Variants in SNX29 observed in about 807,000 individuals in gnomAD.
SNX29 encodes the protein sorting nexin 29, also known as sorting nexin-29.
SNX29 carries 78 observed loss-of-function variants against 102.1 expected under a neutral mutation model. The observed-to-expected ratio is 0.76, with a 90% confidence interval of 0.64 to 0.92. The LOEUF is 0.92. Ranked by LOEUF, SNX29 falls within the 40% of genes least tolerant of loss-of-function variation. The pLI is 0.00. For missense variants in SNX29, 1,280 were observed against 1,061.7 expected, an observed-to-expected ratio of 1.21 and a Z score of -2.86; for synonymous variants, 580 against 414.5, an observed-to-expected ratio of 1.40 and a Z score of -4.85.
chr16:12,123,619 C>G (rs372673484), intron 11 of SNX29, among the ~76,000 whole-genome samples: 1 of 152,130 alleles, frequency 6.6e-6, no homozygotes, highest in East Asian at 1.9e-4. Flanking sequence ...CCTGCTGTTC[C>G]GTTTCTCTCC....
In SNX29 at chr16:12,471,026, G is replaced by A. The variant is rs1241833163; in HGVS notation, c.2038-6693G>A. 2.0e-5 allele frequency among the ~76,000 whole-genome samples: 3 copies of A among 152,116 alleles called. No individual in the cohort carries two copies. In the East Asian group the frequency reaches 5.8e-4, roughly 29 times the overall value. On this transcript the variant is annotated intron_variant, in intron 18 of 20. Transcript: ENST00000566228. Reference sequence around the variant, plus strand: ...GATAACTGTGGGGACGTGAACCCAGGCCTCCCTCCCTATGTAGCTGTGCGC... The same window carrying A: ...GATAACTGTGGGGACGTGAACCCAGACCTCCCTCCCTATGTAGCTGTGCGC...
At chr16:12,320,827 AT>A (rs1187416315) in intron 15 of SNX29, among the ~76,000 whole-genome samples, 34 of 152,344 alleles carry the variant, frequency 2.2e-4, no homozygotes, top group African/African-American at 8.2e-4. Context: ...AATTCTTTAG[AT>A]GAAAAGGCAA....
chr16:12,241,491 T>A (rs1179900891), intron 14 of SNX29, among the ~76,000 whole-genome samples: 1 of 151,730 alleles, frequency 6.6e-6, no homozygotes, highest in Non-Finnish European at 1.5e-5. Flanking sequence ...ATGGAGTCTC[T>A]CTCTGTTGCC....
chr16:12,344,781 G>A (rs994228265), intron 15 of SNX29, among the ~76,000 whole-genome samples: 1 of 152,220 alleles, frequency 6.6e-6, no homozygotes. Context: ...CTGTGCTGGG[G>A]AGGAGAGGAG....
intron 18 of SNX29, among the ~76,000 whole-genome samples, chr16:12,473,623 G>C (rs576286609): frequency 6.6e-6 from 1 of 152,210 alleles, no homozygotes; most frequent in African/African-American, 2.4e-5. Flanking sequence ...ATTTTCGGAC[G>C]GTTAGGCATT....
At chr16:12,439,686 G>A (rs2085711045) in intron 18 of SNX29, among the ~76,000 whole-genome samples, 1 of 148,020 alleles carries the variant, frequency 6.8e-6, no homozygotes, top group Non-Finnish European at 1.5e-5. Context: ...AGTTATGGCA[G>A]CTACAATTCA....
At chr16:12,367,437 C>T (rs1305591120) in intron 16 of SNX29, 1 of 152,220 alleles carries the variant, frequency 6.6e-6, no homozygotes, top group African/African-American at 2.4e-5. Context: ...TCTGTGTTAC[C>T]TGGGGCACCT....
chr16:11,980,965 CTT>C (rs1289274238), intron 1 of SNX29, among the ~76,000 whole-genome samples: 7 of 141,804 alleles, frequency 4.9e-5, no homozygotes, highest in Admixed American at 7.1e-5. Context: ...TTTTCATTTT[CTT>C]TTTTTTTTTT....
intron 16 of SNX29, among the ~76,000 whole-genome samples, chr16:12,362,551 A>ACCCCCCCCCCC (rs1464136306): frequency 8.5e-5 from 2 of 23,496 alleles, no homozygotes; most frequent in African/African-American, 2.8e-4. Context: ...TGGCTGCTGC[A>ACCCCCCCCCCC]CTCCCCCCCC....
At chr16:12,484,234 G>T (rs1249012426) in intron 19 of SNX29, among the ~76,000 whole-genome samples, 1 of 151,780 alleles carries the variant, frequency 6.6e-6, no homozygotes, top group Non-Finnish European at 1.5e-5. Flanking sequence ...CTGCAGCCTC[G>T]AACTCCCCGG....
At chr16:12,287,125 G>C (rs572637771) in intron 15 of SNX29, among the ~76,000 whole-genome samples, 57 of 152,272 alleles carry the variant, frequency 3.7e-4, no homozygotes, top group African/African-American at 1.4e-3. Flanking sequence ...TCTGTCTTTT[G>C]GATGTGCCCT....
chr16:12,346,177 C>T (rs2081797568), intron 15 of SNX29, among the ~76,000 whole-genome samples: 1 of 151,912 alleles, frequency 6.6e-6, no homozygotes, highest in South Asian at 2.1e-4. Context: ...TGGTGTTTGT[C>T]TAGGTGGGAG....
intron 19 of SNX29, among the ~76,000 whole-genome samples, chr16:12,518,910 A>G (rs1461976360): frequency 6.6e-6 from 1 of 152,186 alleles, no homozygotes; most frequent in Non-Finnish European, 1.5e-5. Context: ...TTGTGATGTG[A>G]AGTAGATGCA....
chr16:12,135,646 T>C, intron 13 of SNX29: 1 of 1,318,114 alleles, frequency 7.6e-7, no homozygotes, highest in Non-Finnish European at 1.0e-6. Flanking sequence ...CCTGATAGTC[T>C]CATTTGAGCT....
At chr16:12,467,923 C>G (rs992343492) in intron 18 of SNX29, among the ~76,000 whole-genome samples, 1 of 152,140 alleles carries the variant, frequency 6.6e-6, no homozygotes, top group Admixed American at 6.5e-5. Flanking sequence ...ACAGGGCACT[C>G]CAGGCAGAGG....
intron 19 of SNX29, among the ~76,000 whole-genome samples, chr16:12,507,383 C>A (rs1480380381): frequency 2.6e-5 from 4 of 152,218 alleles, no homozygotes; most frequent in African/African-American, 7.2e-5. Context: ...CAGGTCTGGA[C>A]AGTCAATGGC....
At chr16:12,274,461 T>A (rs1226201672) in intron 14 of SNX29, among the ~76,000 whole-genome samples, 1 of 152,192 alleles carries the variant, frequency 6.6e-6, no homozygotes, top group Non-Finnish European at 1.5e-5. Flanking sequence ...ATCTTTGATT[T>A]CCTCTTCTGT....
Position 12,567,666 on chromosome 16 carries a change from G to A in SNX29, c.2319-840G>A, listed in dbSNP as rs192999773. Among the ~76,000 whole-genome samples the A allele has an allele frequency of 9.9e-5, 15 of 152,270 alleles. 2 individuals carry two copies. Among genetic ancestry groups the A allele is most frequent in the African/African-American group, 3.4e-4 (14 of 41,560 alleles). ...AGTCCCAGCTGCTCAGGAGGCTGAG[G>A]TGAGAGGATCACTTGAGCCCAGGAG... On this transcript the variant is annotated intron_variant, in intron 20 of 20. Coordinates refer to ENST00000566228, the MANE Select transcript of SNX29 (RefSeq NM_032167.5).
rs934776004 is a variant in SNX29 at position 12,267,006 on chromosome 16, G to A, written c.1679-10927G>A. Among the ~76,000 whole-genome samples the A allele has an allele frequency of 3.3e-5, 5 of 151,968 alleles. No individual in the cohort carries two copies. In the South Asian group the frequency reaches 8.4e-4, roughly 25 times the overall value. ...TCGAACTCTTGATCTCAAGTGATCC[G>A]CCTGCCTCAGCCTCCCAAAGTGCTG... is the stretch of plus-strand genomic sequence containing the variant. On this transcript the variant is annotated intron_variant, in intron 14 of 20. Transcript: ENST00000566228.
Sources: gnomAD v4.1 joint callset for allele counts (sites outside exome capture counted in the v4.1 genomes callset) on GRCh38, gnomAD v4.1.1 for gene constraint, MANE v1.5 for transcripts, NCBI Gene and HGNC (gene_info 2026-07-23, HGNC 2026-07-21) for gene names.